The following FAM107B variants were observed in gnomAD, a reference collection of about 807,000 sequenced individuals.
FAM107B encodes family with sequence similarity 107 member B.
FAM107B carries 21 observed loss-of-function variants against 31.5 expected under a neutral mutation model. That is an observed-to-expected ratio of 0.67 (90% CI 0.47 to 0.96). FAM107B has a LOEUF of 0.96. FAM107B is among the 40% of genes least tolerant of loss of function. The pLI, the probability that FAM107B is intolerant of heterozygous loss-of-function variation, is 0.00. For synonymous variants in FAM107B, 157 were observed against 141.5 expected (o/e 1.11, Z -0.78); for missense variants, 452 against 377.1 (o/e 1.20, Z -1.64).
intron 2 of FAM107B, among the ~76,000 whole-genome samples, chr10:14,630,963 C>T (rs1438924655): frequency 5.3e-5 from 8 of 151,990 alleles, no homozygotes; most frequent in Admixed American, 4.6e-4. Flanking sequence ...ATCTAGTCTG[C>T]TTGAAATGGT....
chr10:14,527,093 T>G (rs1846338751), intron 3 of FAM107B, among the ~76,000 whole-genome samples: 1 of 151,590 alleles, frequency 6.6e-6, no homozygotes, highest in South Asian at 2.1e-4. Context: ...CGCCTCGGCC[T>G]CCCAAAGTGC....
intron 1 of FAM107B, among the ~76,000 whole-genome samples, chr10:14,734,227 T>A (rs1856240646): frequency 6.6e-6 from 1 of 152,234 alleles, no homozygotes; most frequent in South Asian, 2.1e-4. Context: ...CATGGCTTAA[T>A]AAGCCACTGG....
chr10:14,716,893 CA>C (rs1249310426), intron 1 of FAM107B, among the ~76,000 whole-genome samples: 1 of 151,986 alleles, frequency 6.6e-6, no homozygotes, highest in Admixed American at 6.6e-5. Context: ...AGTTTGAGAC[CA>C]ACCTGGCCAA....
intron 1 of FAM107B, among the ~76,000 whole-genome samples, chr10:14,770,798 C>T (rs971343921): frequency 3.9e-5 from 6 of 151,910 alleles, no homozygotes; most frequent in Admixed American, 2.6e-4. Context: ...CATCACTAAA[C>T]CAAACAAAAA....
chr10:14,701,527 G>A (rs1245920678), intron 1 of FAM107B, among the ~76,000 whole-genome samples: 1 of 152,150 alleles, frequency 6.6e-6, no homozygotes, highest in African/African-American at 2.4e-5. Flanking sequence ...TCATAGGCAT[G>A]AGCCACCATG....
Position 14,667,678 on chromosome 10 carries a change from C to A in FAM107B, c.425G>T (p.Arg142Leu). 6.2e-7 allele frequency: 1 copy of A among 1,614,108 alleles called. No homozygotes were observed. The highest frequency in any genetic ancestry group is 8.5e-7 in the Non-Finnish European group (1 of 1,179,996). The change falls in exon 2 of 5, where the codon CGA becomes CTA. Residue 142 changes from arginine to leucine, a missense_variant. Physicochemically the swap from Arg to Leu is moderately radical, Grantham distance 102 (BLOSUM62 -2). Coordinates refer to ENST00000181796, the MANE Select transcript of FAM107B (RefSeq NM_031453.4). ...IIDTPKEEEF[R>L]EEPKCLELEQ... ...CAGCTCGAGGCATTTAGGTTCTTCT[C>A]GAAATTCTTCTTCCTAAGCGCCAGC...
rs569380777 is a variant in FAM107B, at chr10:14,633,264, A to C, written c.469+34370T>G. Among the ~76,000 whole-genome samples, 126 of 152,276 alleles carry C rather than the reference A, an allele frequency of 8.3e-4. No individual in the cohort carries two copies. In the South Asian group the frequency reaches 0.012, roughly 14 times the overall value. On this transcript the variant is annotated intron_variant, in intron 2 of 4. Transcript: ENST00000181796. ...TGAGTGATGGCCCCTTGGAGGGATC[A>C]TGTGTAATTTACATAAGTCTTTAAT... is the stretch of plus-strand genomic sequence containing the variant.
At chr10:14,654,161 C>A (rs557074602) in intron 2 of FAM107B, among the ~76,000 whole-genome samples, 1 of 149,974 alleles carries the variant, frequency 6.7e-6, no homozygotes, top group African/African-American at 2.5e-5. Flanking sequence ...CTAGTTCTTA[C>A]AATTTCTCAA....
chr10:14,675,100 T>G (rs9665534), intron 1 of FAM107B, among the ~76,000 whole-genome samples: 95,777 of 151,980 alleles, frequency 0.63, 31,158 homozygotes, highest in South Asian at 0.73. Context: ...TAAACTGCTA[T>G]ATTTTTTTCC....
intron 1 of FAM107B, among the ~76,000 whole-genome samples, chr10:14,707,943 C>A (rs957096326): frequency 6.6e-6 from 1 of 152,202 alleles, no homozygotes; most frequent in Non-Finnish European, 1.5e-5. Flanking sequence ...GTGGAAGGCA[C>A]AGCATGTGTT....
At chr10:14,611,549 T>C (rs2131391274) in intron 2 of FAM107B, among the ~76,000 whole-genome samples, 1 of 145,500 alleles carries the variant, frequency 6.9e-6, no homozygotes, top group African/African-American at 2.5e-5. Flanking sequence ...TTCTATTAAT[T>C]GCAATAAAAT....
intron 2 of FAM107B, among the ~76,000 whole-genome samples, chr10:14,565,908 G>A (rs749497613): frequency 1.7e-4 from 26 of 152,166 alleles, no homozygotes; most frequent in Non-Finnish European, 3.5e-4. Context: ...GCTGGCAAAT[G>A]CTGCTGAGAG....
chr10:14,770,732 A>C (rs1833281819), intron 1 of FAM107B, among the ~76,000 whole-genome samples: 1 of 152,158 alleles, frequency 6.6e-6, no homozygotes, highest in Non-Finnish European at 1.5e-5. Context: ...AAAAGAGATG[A>C]ATACAAAAAG....
intron 1 of FAM107B, among the ~76,000 whole-genome samples, chr10:14,757,325 A>G (rs1393799461): frequency 6.6e-6 from 1 of 151,900 alleles, no homozygotes; most frequent in Non-Finnish European, 1.5e-5. Flanking sequence ...ACTGAAAAAA[A>G]AAAAAAAAGA....
At chr10:14,522,369 AG>A (rs1424720207) in intron 3 of FAM107B, 2 of 191,782 alleles carry the variant, frequency 1.0e-5, no homozygotes, top group Non-Finnish European at 2.1e-5. Flanking sequence ...TCAGGAAATG[AG>A]GGGGCTCTGC....
intron 1 of FAM107B, among the ~76,000 whole-genome samples, chr10:14,702,952 G>A (rs989409998): frequency 6.6e-6 from 1 of 151,950 alleles, no homozygotes; most frequent in African/African-American, 2.4e-5. Context: ...GGACCTGATC[G>A]ACCCTATTAC....
intron 1 of FAM107B, among the ~76,000 whole-genome samples, chr10:14,707,175 CAA>C (rs796455708): frequency 6.6e-6 from 1 of 151,510 alleles, no homozygotes; most frequent in Admixed American, 6.6e-5. Context: ...CAAAACAAAA[CAA>C]AAAAATGGTT....
intron 2 of FAM107B, among the ~76,000 whole-genome samples, chr10:14,629,433 TA>T (rs369629894): frequency 1.1e-4 from 1 of 9,460 alleles, no homozygotes; most frequent in African/African-American, 7.4e-4. Context: ...ATATAATATA[TA>T]TTATATATAT....
chr10:14,726,808 A>T (rs1856046441), intron 1 of FAM107B, among the ~76,000 whole-genome samples: 1 of 152,136 alleles, frequency 6.6e-6, no homozygotes, highest in Non-Finnish European at 1.5e-5. Context: ...CATGGAAGAC[A>T]ATTTTTCCAC....
Sources: gnomAD v4.1 joint callset for allele counts (sites outside exome capture counted in the v4.1 genomes callset) on GRCh38, gnomAD v4.1.1 for gene constraint, MANE v1.5 for transcripts, NCBI Gene and HGNC (gene_info 2026-07-23, HGNC 2026-07-21) for gene names.